CDH18: variants seen among roughly 807,000 people sequenced by gnomAD.
CDH18 encodes cadherin-18.
In CDH18, 31 loss-of-function variants were observed where a neutral mutation model predicts 67.9. The ratio of observed to expected loss-of-function variants is 0.46; its 90% confidence interval spans 0.34 to 0.62. The LOEUF is 0.62. Among genes scored for constraint, CDH18 ranks in the 20% least tolerant of loss-of-function variants. CDH18 has a pLI of 0.01. For missense variants in CDH18, 890 were observed against 975.5 expected, an observed-to-expected ratio of 0.91 and a Z score of 1.17; for synonymous variants, 362 against 347.2, an observed-to-expected ratio of 1.04 and a Z score of -0.48.
chr5:20,340,583 C>A (rs1192773689), intron 1 of CDH18, among the ~76,000 whole-genome samples: 2 of 152,160 alleles, frequency 1.3e-5, no homozygotes, highest in Non-Finnish European at 2.9e-5. Flanking sequence ...GTTTAGGTCA[C>A]TGGGTCCAGA....
rs979325289 is a variant in CDH18, at chr5:19,940,214, TTAAAGA to T, written c.-257+40840_-257+40845del. On this transcript the variant is annotated intron_variant, in intron 2 of 12. Transcript: ENST00000382275. ...ACTATTCATCTGATTACTGAGAATATTAAAGATAAAGTAAATATTTATAGTATTTAT... is the reference window on the plus strand; with the variant it reads ...ACTATTCATCTGATTACTGAGAATATTAAAGTAAATATTTATAGTATTTAT... Among the ~76,000 whole-genome samples the T allele has an allele frequency of 4.6e-5, 7 of 151,592 alleles. No individual in the cohort carries two copies. The East Asian group carries it at 5.8e-4, about 13-fold the overall frequency.
intron 1 of CDH18, among the ~76,000 whole-genome samples, chr5:20,337,352 A>G (rs1448148630): frequency 6.6e-6 from 1 of 152,138 alleles, no homozygotes; most frequent in African/African-American, 2.4e-5. Flanking sequence ...TGCTTTCATT[A>G]TAAAACTCAA....
rs533597787 is a variant in CDH18, at chr5:20,182,427, A to G, written c.-518+73017T>C. ...AGACCAGCCTGACCAAAATGGAGAA[A>G]CCCCGTCTCTACTAAAAATACAAAA... On this transcript the variant is annotated intron_variant, in intron 2 of 14. Transcript: ENST00000507958. Among the ~76,000 whole-genome samples, 156 of 151,504 alleles carry G rather than the reference A, an allele frequency of 1.0e-3. 1 individual carries two copies. Among genetic ancestry groups the G allele is most frequent in the African/African-American group, 3.6e-3 (150 of 41,282 alleles).
chr5:20,485,611 T>C (rs1297684411), intron 1 of CDH18, among the ~76,000 whole-genome samples: 14 of 151,972 alleles, frequency 9.2e-5, no homozygotes, highest in Non-Finnish European at 2.1e-4. Flanking sequence ...AATTTTTTCA[T>C]ATAATGTCTC....
At chr5:19,479,944 CA>C (rs1739124353) in intron 12 of CDH18, among the ~76,000 whole-genome samples, 1 of 152,006 alleles carries the variant, frequency 6.6e-6, no homozygotes, top group African/African-American at 2.4e-5. Context: ...TCATAAAAAC[CA>C]ATTAAAATGA....
chr5:19,854,917 A>T (rs1581659190), intron 2 of CDH18, among the ~76,000 whole-genome samples: 2 of 135,788 alleles, frequency 1.5e-5, no homozygotes, highest in East Asian at 2.1e-4. Context: ...CCATCATGCT[A>T]CTCCCTATCT....
chr5:20,427,928 GT>G (rs1314922055), intron 1 of CDH18, among the ~76,000 whole-genome samples: 1 of 151,018 alleles, frequency 6.6e-6, no homozygotes, highest in South Asian at 2.1e-4. Context: ...CAACGTGTTT[GT>G]TTTTTTGTTT....
chr5:20,152,182 T>G (rs944288272), intron 2 of CDH18, among the ~76,000 whole-genome samples: 1 of 112,178 alleles, frequency 8.9e-6, no homozygotes, highest in Admixed American at 9.5e-5. Flanking sequence ...TACATATAAT[T>G]ATATATAATA....
chr5:19,802,065 G>A (rs1263857649), intron 3 of CDH18, among the ~76,000 whole-genome samples: 1 of 152,020 alleles, frequency 6.6e-6, no homozygotes. Context: ...AAAAAAATTA[G>A]CATAAACTCA....
intron 2 of CDH18, among the ~76,000 whole-genome samples, chr5:19,903,545 A>ATATATATATG (rs1790170734): frequency 6.3e-5 from 2 of 31,888 alleles, no homozygotes; most frequent in African/African-American, 2.0e-4. Context: ...GTGTGTGTAT[A>ATATATATATG]TATATATATA....
chr5:19,889,564 C>T (rs1332721354), intron 2 of CDH18, among the ~76,000 whole-genome samples: 1 of 151,852 alleles, frequency 6.6e-6, no homozygotes, highest in Non-Finnish European at 1.5e-5. Context: ...CTGTCCTATT[C>T]TGCAGAAGAA....
chr5:20,091,239 C>T (rs1745392204), intron 2 of CDH18, among the ~76,000 whole-genome samples: 1 of 151,904 alleles, frequency 6.6e-6, no homozygotes. Flanking sequence ...TAATCCCTGC[C>T]CTTTGAGAGG....
At chr5:20,075,267 G>C (rs1580180550) in intron 2 of CDH18, among the ~76,000 whole-genome samples, 1 of 152,244 alleles carries the variant, frequency 6.6e-6, no homozygotes, top group South Asian at 2.1e-4. Context: ...CACTCTGGTA[G>C]TCTGAGGCGG....
At chr5:20,211,559 C>T (rs150264348) in intron 2 of CDH18, among the ~76,000 whole-genome samples, 1,692 of 152,258 alleles carry the variant, frequency 0.011, 31 homozygotes, top group African/African-American at 0.038. Flanking sequence ...GAGGAAGGAT[C>T]AGGCAGCAAC....
intron 2 of CDH18, among the ~76,000 whole-genome samples, chr5:20,209,753 C>T (rs954258448): frequency 5.9e-5 from 9 of 151,818 alleles, no homozygotes; most frequent in Admixed American, 1.3e-4. Context: ...AAGACAATAA[C>T]GTAAATGTTC....
intron 2 of CDH18, among the ~76,000 whole-genome samples, chr5:20,180,662 C>A (rs1476563319): frequency 6.6e-6 from 1 of 152,086 alleles, no homozygotes; most frequent in African/African-American, 2.4e-5. Flanking sequence ...CTAACCTACC[C>A]CTGCCCTCAC....
At chr5:20,224,096 G>A (rs1741429111) in intron 2 of CDH18, among the ~76,000 whole-genome samples, 1 of 152,150 alleles carries the variant, frequency 6.6e-6, no homozygotes, top group Non-Finnish European at 1.5e-5. Flanking sequence ...AAGCTTCACT[G>A]TCACAGAAGA....
chr5:20,282,343 T>C (rs1746347365), intron 1 of CDH18, among the ~76,000 whole-genome samples: 1 of 152,200 alleles, frequency 6.6e-6, no homozygotes, highest in Non-Finnish European at 1.5e-5. Context: ...TGATATTGGC[T>C]GTGGGTTTGT....
At chr5:20,183,591 C>A (rs1043327814) in intron 2 of CDH18, among the ~76,000 whole-genome samples, 1 of 152,060 alleles carries the variant, frequency 6.6e-6, no homozygotes, top group African/African-American at 2.4e-5. Flanking sequence ...GATGACATTG[C>A]ACCATCATCT....
Sources: allele counts gnomAD v4.1 joint callset (sites outside exome capture counted in the v4.1 genomes callset), GRCh38; gene constraint gnomAD v4.1.1; transcripts MANE v1.5; gene names NCBI Gene and HGNC (gene_info 2026-07-23, HGNC 2026-07-21).